Variants in CSNK1A1 observed in about 807,000 individuals in gnomAD.
CSNK1A1 encodes the protein casein kinase 1 alpha 1, also known as casein kinase I isoform alpha.
A neutral mutation model predicts 46.1 loss-of-function variants in CSNK1A1; 7 were observed. That is an observed-to-expected ratio of 0.15 (90% CI 0.09 to 0.29). The LOEUF is 0.29. Ranked by LOEUF, CSNK1A1 falls within the 10% of genes least tolerant of loss-of-function variation. The pLI, the probability that CSNK1A1 is intolerant of heterozygous loss-of-function variation, is 1.00. For synonymous variants in CSNK1A1, 137 were observed against 141.5 expected (o/e 0.97, Z 0.23); for missense variants, 96 against 417.1 (o/e 0.23, Z 6.71).
chr5:149,509,945 T>C lies in CSNK1A1; in HGVS notation c.684A>G (p.Thr228=). The C allele has an allele frequency of 6.2e-7, 1 of 1,603,528 alleles. No homozygotes were observed. The stretch of plus-strand genomic sequence containing the variant: ...TAATCTTTTCATATTTTTGTTTCTT[T>C]GTTGCAGCCTGTGGAAAAGAATAAA... ...SLPWQGLKAA[T]KKQKYEKISE... is the part of the protein sequence containing the mutation. The change falls in exon 7 of 10, where the codon ACA becomes ACG. Residue 228 remains threonine, a synonymous_variant. Coordinates refer to ENST00000377843, the MANE Select transcript of CSNK1A1 (RefSeq NM_001892.6).
chr5:149,540,228 G>T (rs1762185801), intron 2 of CSNK1A1, among the ~76,000 whole-genome samples: 1 of 152,112 alleles, frequency 6.6e-6, no homozygotes, highest in South Asian at 2.1e-4. Context: ...TCTATTAATA[G>T]GTTCAAATCT....
chr5:149,499,967 C>CTTTTTTTTTTTTTTTT, intron 9 of CSNK1A1, among the ~76,000 whole-genome samples: 1 of 77,710 alleles, frequency 1.3e-5, no homozygotes, highest in Non-Finnish European at 2.6e-5. Context: ...TTCTTTTTTT[C>CTTTTTTTTTTTTTTTT]TTTTTTTTTT....
chr5:149,539,270 C>A (rs954070673), intron 2 of CSNK1A1, among the ~76,000 whole-genome samples: 3 of 151,858 alleles, frequency 2.0e-5, no homozygotes, highest in African/African-American at 7.3e-5. Flanking sequence ...AGCCTTACAG[C>A]CTGAGCAACA....
intron 9 of CSNK1A1, chr5:149,502,628 C>A (rs1352628898): frequency 2.1e-6 from 2 of 954,388 alleles, no homozygotes; most frequent in Non-Finnish European, 2.5e-6. Flanking sequence ...CCCACCTCAG[C>A]CTCCCAAATG....
chr5:149,521,231 G>A (rs917136060), intron 3 of CSNK1A1, among the ~76,000 whole-genome samples: 1 of 150,276 alleles, frequency 6.7e-6, no homozygotes, highest in African/African-American at 2.5e-5. Flanking sequence ...ATATCACACT[G>A]CCTTCCACAA....
chr5:149,518,595 T>C (rs746678257), intron 4 of CSNK1A1, among the ~76,000 whole-genome samples: 8 of 152,144 alleles, frequency 5.3e-5, no homozygotes, highest in Non-Finnish European at 8.8e-5. Flanking sequence ...ATTTAGCATT[T>C]GAATCTTAGT....
chr5:149,524,219 G>C (rs1309191577), intron 3 of CSNK1A1, among the ~76,000 whole-genome samples: 1 of 151,962 alleles, frequency 6.6e-6, no homozygotes, highest in East Asian at 1.9e-4. Flanking sequence ...ATCTGGACTA[G>C]AGAGCTGTCA....
At chr5:149,499,967 CTTTTTTTT>C (rs1162496799) in intron 9 of CSNK1A1, among the ~76,000 whole-genome samples, 23 of 77,698 alleles carry the variant, frequency 3.0e-4, no homozygotes, top group African/African-American at 6.8e-4. Context: ...TTCTTTTTTT[CTTTTTTTT>C]TTTTTTTTTT....
chr5:149,537,626 T>C (rs1028080029), intron 2 of CSNK1A1, among the ~76,000 whole-genome samples: 2 of 151,332 alleles, frequency 1.3e-5, no homozygotes, highest in African/African-American at 4.9e-5. Context: ...TAACTCTTGG[T>C]CCCCACTCCA....
At chr5:149,513,418 T>C (rs1336789480) in intron 4 of CSNK1A1, among the ~76,000 whole-genome samples, 3 of 151,928 alleles carry the variant, frequency 2.0e-5, no homozygotes, top group African/African-American at 7.3e-5. Flanking sequence ...AAAAAAAGTC[T>C]AGTAGTTTAT....
intron 2 of CSNK1A1, among the ~76,000 whole-genome samples, chr5:149,547,355 T>C (rs1361926461): frequency 6.6e-6 from 1 of 152,240 alleles, no homozygotes; most frequent in Non-Finnish European, 1.5e-5. Flanking sequence ...ACATTACTCA[T>C]TGCCCTTATG....
chr5:149,520,094 G>T (rs1046385462), intron 4 of CSNK1A1, among the ~76,000 whole-genome samples, 196 bp downstream of exon 4: 4 of 152,148 alleles, frequency 2.6e-5, no homozygotes, highest in African/African-American at 9.7e-5. Context: ...CCTCGGTTGG[G>T]TAAGTTGAAG....
Position 149,513,235 on chromosome 5 carries a change from T to C in CSNK1A1, c.457-26A>G, listed in dbSNP as rs1412103925. 12 of 1,601,302 alleles carry C rather than the reference T, an allele frequency of 7.5e-6. 2 individuals are homozygous for C. The South Asian group carries it at 1.1e-4, about 15-fold the overall frequency. ...CTTTAAAAGAGAAATACAGAAACAT[T>C]AGGTTTCCAACCTTGTTCAATTAAA... On this transcript the variant is annotated intron_variant, in intron 4 of 9. Transcript: ENST00000377843.
At chr5:149,512,846 T>C (rs371806637) in intron 5 of CSNK1A1, among the ~76,000 whole-genome samples, 32 of 152,284 alleles carry the variant, frequency 2.1e-4, no homozygotes, top group African/African-American at 7.2e-4. Context: ...CACGCAGTAT[T>C]TTCCCCCCAA....
intron 6 of CSNK1A1, 136 bp from the exon 7 acceptor site, chr5:149,510,089 G>C: frequency 1.8e-6 from 1 of 561,576 alleles, no homozygotes; most frequent in Non-Finnish European, 2.9e-6. Flanking sequence ...AAAAATCAAA[G>C]TATAATACAT....
Position 149,550,229 on chromosome 5 carries a change from A to G in CSNK1A1, c.124-48T>C. On this transcript the variant is annotated intron_variant, in intron 1 of 9. Transcript: ENST00000377843. This position sits in a 1 kb window ranked among gnomAD's most constrained non-coding sequence, Gnocchi z 4.3. Reference sequence around the variant, plus strand: ...TGGCATCAACATCCCTACGGATTCAATGTCACTTAGGAAAGGAGGGAGACA... The same window carrying G: ...TGGCATCAACATCCCTACGGATTCAGTGTCACTTAGGAAAGGAGGGAGACA... 2.5e-6 allele frequency: 4 copies of G among 1,601,310 alleles called. No individual in the cohort carries two copies. Among genetic ancestry groups the G allele is most frequent in the East Asian group, 2.3e-5 (1 of 44,422 alleles).
chr5:149,535,456 G>C (rs1762033191), intron 2 of CSNK1A1, among the ~76,000 whole-genome samples: 1 of 151,910 alleles, frequency 6.6e-6, no homozygotes, highest in South Asian at 2.1e-4. Flanking sequence ...ACTAAAATTG[G>C]GCCCCCTTCC....
chr5:149,509,900 C>T lies in CSNK1A1; in HGVS notation c.729G>A (p.Thr243=), dbSNP rs377108745. 8.2e-5 allele frequency: 132 copies of T among 1,610,272 alleles called. No homozygotes were observed. The highest frequency in any genetic ancestry group is 1.1e-4 in the Non-Finnish European group (125 of 1,178,158). ...YEKISEKKMS[T]PVEVLCKGFP... ...TTACCTTACATAAAACTTCAACAGG[C>T]GTGGACATCTTCTTTTCACTAATCT... The change falls in exon 7 of 10, where the codon ACG becomes ACA. Residue 243 remains threonine (T), a synonymous_variant. Coordinates refer to ENST00000377843, the MANE Select transcript of CSNK1A1 (RefSeq NM_001892.6).
At chr5:149,523,427 T>C (rs1409909569) in intron 3 of CSNK1A1, among the ~76,000 whole-genome samples, 2 of 152,242 alleles carry the variant, frequency 1.3e-5, no homozygotes, top group African/African-American at 4.8e-5. Flanking sequence ...TAGCTCACTG[T>C]AGCCTGGAAC....
Sources: gnomAD v4.1 joint callset for allele counts (sites outside exome capture counted in the v4.1 genomes callset) on GRCh38, gnomAD v4.1.1 for gene constraint, Gnocchi (gnomAD v3.1) non-coding constraint, MANE v1.5 for transcripts, NCBI Gene and HGNC (gene_info 2026-07-23, HGNC 2026-07-21) for gene names.